ANKS3: variants seen among roughly 807,000 people sequenced by gnomAD.
ANKS3 encodes the protein ankyrin repeat and SAM domain-containing protein 3.
ANKS3 carries 62 observed loss-of-function variants against 80.7 expected under a neutral mutation model. The ratio of observed to expected loss-of-function variants is 0.77; its 90% CI spans 0.63 to 0.95. ANKS3 has a LOEUF of 0.95. ANKS3 is among the 40% of genes least tolerant of loss of function. The probability of loss-of-function intolerance (pLI) is 0.00; values close to 1 mark genes in which losing one functional copy is unlikely to be tolerated. For synonymous variants in ANKS3, 489 were observed against 355.3 expected, an observed-to-expected ratio of 1.38 and a Z score of -4.23; for missense variants, 1,150 against 883.6, an observed-to-expected ratio of 1.30 and a Z score of -3.82.
chr16:4,697,126 C>G (rs533778099), intron 16 of ANKS3, 22 bp from the exon 17 acceptor site: 1 of 1,610,334 alleles, frequency 6.2e-7, no homozygotes, highest in Non-Finnish European at 8.5e-7. Context: ...TGACCTTGAG[C>G]CTCTCCCGGC....
intron 7 of ANKS3, among the ~76,000 whole-genome samples, chr16:4,712,937 T>G (rs2080574307): frequency 6.6e-6 from 1 of 152,130 alleles, no homozygotes; most frequent in African/African-American, 2.4e-5. Flanking sequence ...AAAACTAACC[T>G]GAACAATGTA....
intron 8 of ANKS3, 149 bp from the exon 9 acceptor site, chr16:4,702,391 G>C (rs906253087): frequency 1.2e-6 from 1 of 859,906 alleles, no homozygotes; most frequent in Non-Finnish European, 1.6e-6. Flanking sequence ...TGTGGTGTGT[G>C]GGTGGAAAAG....
chr16:4,698,304 G>A (rs1418325565), intron 14 of ANKS3, 123 bp downstream of exon 14: 2 of 1,343,744 alleles, frequency 1.5e-6, no homozygotes, highest in East Asian at 2.6e-5. Flanking sequence ...TGGGGGTGGG[G>A]TGGCTCCAGA....
At chr16:4,720,898 C>A (rs1399283752) in intron 6 of ANKS3, among the ~76,000 whole-genome samples, 1 of 149,994 alleles carries the variant, frequency 6.7e-6, no homozygotes, top group Non-Finnish European at 1.5e-5. Flanking sequence ...GATTGCGCCA[C>A]TGCACTCCAG....
rs754655112 is a variant in ANKS3 at position 4,702,221 on chromosome 16, T to G, written c.890A>C (p.Tyr297Ser). Residue 297 changes from tyrosine to serine, a missense_variant, in exon 9 of 18, where the codon TAT (tyrosine) becomes TCT (serine). Coordinates refer to ENST00000304283, the MANE Select transcript of ANKS3 (RefSeq NM_133450.4). ...CTCGCCACTGCTGTTGAAGGTGACA[T>G]AGCCACGGGGAGGAGCCTGCTCTGT... ...PRYEQAPPRG[Y>S]VTFNSSGENP... The G allele has an allele frequency of 1.3e-6, 2 of 1,584,238 alleles. No individual in the cohort carries two copies. Among genetic ancestry groups the G allele is most frequent in the East Asian group, 4.7e-5 (2 of 42,374 alleles).
rs2079744579 is a variant in ANKS3 at position 4,698,923 on chromosome 16, C to G, written c.1428G>C (p.Arg476Ser). 1 of 1,599,618 alleles carries G rather than the reference C, an allele frequency of 6.3e-7. No individual in the cohort carries two copies. Among genetic ancestry groups the G allele is most frequent in the African/African-American group, 1.3e-5 (1 of 74,742 alleles). The change falls in exon 13 of 18, where the codon AGG (arginine) becomes AGC (serine). Residue 476 changes from arginine to serine, a missense_variant. By Grantham distance (110) the Arg-to-Ser change is moderately radical (BLOSUM62 -1). Transcript: ENST00000304283. ...EIGITLFGPK[R>S]KMTSAIARWH... is the part of the protein sequence containing the mutation. ...AGCGGGCAATGGCGGACGTCATCTT[C>G]CTCTTGGGCCCAAACAGCCTGCGGG...
intron 1 of ANKS3, among the ~76,000 whole-genome samples, 167 bp downstream of exon 1, chr16:4,733,771 A>T (rs2081796044): frequency 6.6e-6 from 1 of 152,200 alleles, no homozygotes; most frequent in Admixed American, 6.5e-5. Flanking sequence ...ACAAAAATTA[A>T]AAAATTTTTA....
chr16:4,705,026 T>A, intron 8 of ANKS3, 69 bp downstream of exon 8: 1 of 1,577,504 alleles, frequency 6.3e-7, no homozygotes, highest in Non-Finnish European at 8.6e-7. Context: ...TAAGAGCTAT[T>A]CCATTCTTGC....
intron 13 of ANKS3, 39 bp downstream of exon 13, chr16:4,698,761 G>T (rs776730310): frequency 1.3e-6 from 2 of 1,568,788 alleles, no homozygotes; most frequent in South Asian, 1.2e-5. Context: ...CAACTCACGG[G>T]TGTCACCCTG....
intron 6 of ANKS3, among the ~76,000 whole-genome samples, chr16:4,722,789 G>C (rs1180413137): frequency 6.6e-6 from 1 of 150,582 alleles, no homozygotes; most frequent in East Asian, 2.0e-4. Flanking sequence ...GTGCGGGCGG[G>C]TGCCTGCAGT....
At chr16:4,714,356 C>T (rs751382331) in intron 6 of ANKS3, 170 bp from the exon 7 acceptor site, 56 of 990,358 alleles carry the variant, frequency 5.7e-5, no homozygotes, top group Admixed American at 1.7e-4. Context: ...ACCGCAGCCA[C>T]AAGTTTTGCT....
chr16:4,730,942 T>C (rs1201576922), intron 2 of ANKS3, among the ~76,000 whole-genome samples: 2 of 151,836 alleles, frequency 1.3e-5, no homozygotes, highest in Non-Finnish European at 2.9e-5. Context: ...AACGGGGACA[T>C]ATCTAAAAAG....
intron 6 of ANKS3, among the ~76,000 whole-genome samples, chr16:4,718,687 A>G (rs570441226): frequency 2.0e-5 from 3 of 152,210 alleles, no homozygotes; most frequent in African/African-American, 7.2e-5. Flanking sequence ...GGGCTTGCCC[A>G]CCAGCATCGC....
rs1053987512 is a variant in ANKS3, at chr16:4,714,080, G to C, written c.680C>G (p.Ser227Cys). The C allele has an allele frequency of 1.7e-5, 28 of 1,614,102 alleles. No individual in the cohort carries two copies. Among genetic ancestry groups the C allele is most frequent in the Non-Finnish European group, 2.4e-5 (28 of 1,180,046 alleles). Residue 227 changes from serine to cysteine, a missense_variant, in exon 7 of 18, where the codon TCT (serine) becomes TGT (cysteine). Coordinates refer to ENST00000304283, the MANE Select transcript of ANKS3 (RefSeq NM_133450.4). ...IVALMDTYSP[S>C]LPKSLYRSPE... Reference sequence around the variant, plus strand: ...GCTCCGATAGAGGCTCTTGGGCAGAGAGGGCGAGTAAGTGTCCATCAAGGC... The same window carrying C: ...GCTCCGATAGAGGCTCTTGGGCAGACAGGGCGAGTAAGTGTCCATCAAGGC...
chr16:4,710,353 A>C (rs2080418843), intron 7 of ANKS3, among the ~76,000 whole-genome samples: 1 of 152,254 alleles, frequency 6.6e-6, no homozygotes, highest in Admixed American at 6.5e-5. Context: ...TACATGTATC[A>C]AAACATCACA....
intron 6 of ANKS3, among the ~76,000 whole-genome samples, chr16:4,724,017 G>A (rs896615290): frequency 6.6e-6 from 1 of 152,108 alleles, no homozygotes; most frequent in African/African-American, 2.4e-5. Context: ...CCACGATCTC[G>A]CCACTGAACT....
chr16:4,714,941 G>A (rs1246472346), intron 6 of ANKS3, among the ~76,000 whole-genome samples: 6 of 125,622 alleles, frequency 4.8e-5, no homozygotes, highest in African/African-American at 1.8e-4. Context: ...GCAGTGAGCT[G>A]AGATCATGCC....
At position 4,734,036 on chromosome 16, in the gene ANKS3, T is replaced by C. The variant is rs1339671652; in HGVS notation, c.-169A>G. The stretch of plus-strand genomic sequence containing the variant: ...CCCCACCACAACCACATAAAGAAAA[T>C]GTGGGGGCTCGGTCCTCCAGTCACG... On this transcript the variant is annotated 5_prime_UTR_variant, in exon 1 of 18. Transcript: ENST00000304283. The C allele has an allele frequency of 3.0e-6, 3 of 984,190 alleles. No individual in the cohort carries two copies. Among genetic ancestry groups the C allele is most frequent in the Non-Finnish European group, 3.6e-6 (3 of 829,012 alleles). 61.0% of individuals were successfully genotyped at this position (984,190 alleles called of 1,614,324 possible).
rs1309860480 is a variant in ANKS3, at chr16:4,698,202, G to A, written c.1725-140C>T. ...CATGGGCTGGGCCAGTGCCCCATGA[G>A]GCTGCACTAAAGAGCAGGAGGGCGA... On this transcript the variant is annotated intron_variant, in intron 14 of 17. Coordinates refer to ENST00000304283, the MANE Select transcript of ANKS3 (RefSeq NM_133450.4). The A allele has an allele frequency of 6.9e-6, 8 of 1,153,714 alleles. No homozygotes were observed. In the East Asian group the frequency reaches 1.0e-4, roughly 15 times the overall value. 71.5% of individuals were successfully genotyped at this position (1,153,714 alleles called of 1,614,324 possible).
Sources: allele counts gnomAD v4.1 joint callset (sites outside exome capture counted in the v4.1 genomes callset), GRCh38; gene constraint gnomAD v4.1.1; transcripts MANE v1.5; gene names NCBI Gene and HGNC (gene_info 2026-07-23, HGNC 2026-07-21).